Variants in TRNT1 observed in about 807,000 individuals in gnomAD.
TRNT1 encodes tRNA nucleotidyl transferase 1.
TRNT1 carries 44 observed loss-of-function variants against 45.6 expected under a neutral mutation model. The observed-to-expected ratio is 0.97, with a 90% CI of 0.76 to 1.24. The LOEUF (loss-of-function observed/expected upper bound fraction) is 1.24. TRNT1 is among the 50% of genes most tolerant of loss of function. TRNT1 has a pLI of 0.00. For missense variants in TRNT1, 633 were observed against 504.4 expected, an observed-to-expected ratio of 1.25 and a Z score of -2.44; for synonymous variants, 201 against 171.4, an observed-to-expected ratio of 1.17 and a Z score of -1.35.
chr3:3,128,755 C>G (rs1000975325), intron 1 of TRNT1, among the ~76,000 whole-genome samples: 18 of 136,516 alleles, frequency 1.3e-4, no homozygotes, highest in African/African-American at 4.5e-4. Flanking sequence ...TGTAACTCAA[C>G]CAGTCAGTCA....
chr3:3,131,259 G>A (rs1235880585), intron 2 of TRNT1: 2 of 152,042 alleles, frequency 1.3e-5, no homozygotes, highest in African/African-American at 4.8e-5. Flanking sequence ...TTGAGTTGAA[G>A]CTTTTTTCTT....
Position 3,129,364 on chromosome 3 carries a change from C to T in TRNT1, c.148+176C>T, listed in dbSNP as rs1413413943. 6 of 581,958 alleles carry T rather than the reference C, an allele frequency of 1.0e-5. No individual in the cohort carries two copies. The Middle Eastern group carries it at 1.5e-3, about 141-fold the overall frequency. 36.0% of individuals were successfully genotyped at this position (581,958 alleles called of 1,614,324 possible). A position where few individuals can be genotyped will look rare whatever the true frequency, so the allele number is the denominator to read the frequency against. On this transcript the variant is annotated intron_variant, in intron 2 of 7. Transcript: ENST00000251607. Reference sequence around the variant, plus strand: ...AGGCTGGTCTCAAAACTCCTGGGCTCACTCCTTGGCCTCCCAAAATGCTGG... The same window carrying T: ...AGGCTGGTCTCAAAACTCCTGGGCTTACTCCTTGGCCTCCCAAAATGCTGG...
chr3:3,151,928 C>T (rs1283357335), downstream of TRNT1, among the ~76,000 whole-genome samples: 1 of 152,188 alleles, frequency 6.6e-6, no homozygotes, highest in African/African-American at 2.4e-5. Flanking sequence ...TTTTACATTA[C>T]TACAGAATAT....
intron 2 of TRNT1, chr3:3,136,690 T>A: frequency 2.4e-6 from 1 of 423,406 alleles, no homozygotes; most frequent in South Asian, 1.7e-5. Flanking sequence ...GGTCTTGCTC[T>A]GTCACCCAGG....
intron 2 of TRNT1, among the ~76,000 whole-genome samples, chr3:3,136,118 T>C (rs950187980): frequency 3.3e-5 from 5 of 152,178 alleles, no homozygotes; most frequent in African/African-American, 4.8e-5. Flanking sequence ...TTACCAACTA[T>C]TGTAGGGTGT....
chr3:3,139,976 G>T (rs901610833), intron 3 of TRNT1, among the ~76,000 whole-genome samples: 7 of 152,104 alleles, frequency 4.6e-5, no homozygotes, highest in African/African-American at 1.7e-4. Context: ...TCATCTGCCT[G>T]CCTTGACCTC....
chr3:3,153,176 G>A (rs1706703193), downstream of TRNT1: 3 of 443,628 alleles, frequency 6.8e-6, no homozygotes, highest in African/African-American at 5.9e-5. Flanking sequence ...AGAATTAGGG[G>A]GAAAAGAATT....
intron 2 of TRNT1, among the ~76,000 whole-genome samples, chr3:3,135,007 A>G (rs1439699674): frequency 6.6e-6 from 1 of 152,108 alleles, no homozygotes; most frequent in Non-Finnish European, 1.5e-5. Flanking sequence ...CATGAAGTCA[A>G]TTTAGTGGTC....
intron 2 of TRNT1, among the ~76,000 whole-genome samples, chr3:3,135,513 G>A (rs1705273005): frequency 6.6e-6 from 1 of 152,160 alleles, no homozygotes; most frequent in Non-Finnish European, 1.5e-5. Context: ...GTGGCATTAG[G>A]GGAATATGAA....
rs334760 is a variant in TRNT1 at position 3,140,816 on chromosome 3, G to C, written c.481+168G>C. On this transcript the variant is annotated intron_variant, in intron 4 of 7. Coordinates refer to ENST00000251607, the MANE Select transcript of TRNT1 (RefSeq NM_182916.3). ...ATAGTCCCTCAGCCGGGCACGGTGG[G>C]TCACGCCTGTAATCCCAGCACTTTG... The C allele has an allele frequency of 1, 771,255 of 771,346 alleles. 385,582 individuals carry two copies. Among genetic ancestry groups the C allele is most frequent in the Middle Eastern group, 1 (2,444 of 2,444 alleles). The allele number at this position is 771,346 out of a possible 1,614,324, so 47.8% of individuals were successfully genotyped here.
intron 2 of TRNT1, among the ~76,000 whole-genome samples, chr3:3,133,319 C>T (rs879271067): frequency 3.3e-5 from 5 of 151,970 alleles, no homozygotes; most frequent in Admixed American, 1.3e-4. Context: ...TTTGGGAGGC[C>T]GAGATGGGAG....
In TRNT1 at chr3:3,147,500, G is replaced by A. The variant is rs779192696; in HGVS notation, c.853G>A (p.Val285Ile). 6.2e-7 allele frequency: 1 copy of A among 1,613,834 alleles called. No homozygotes were observed. The highest frequency in any genetic ancestry group is 8.5e-7 in the Non-Finnish European group (1 of 1,179,796). Residue 285 changes from valine (V) to isoleucine (I), a missense_variant, in exon 7 of 8, where the codon GTT becomes ATT. Coordinates refer to ENST00000251607, the MANE Select transcript of TRNT1 (RefSeq NM_182916.3). The stretch of plus-strand genomic sequence containing the variant: ...AGAATTTGACAAAGTCAGTAAAAAT[G>A]TTGATGGTTTTTCACCAAAGCCAGT... Reference protein sequence around the residue: ...LEEFDKVSKNVDGFSPKPVTL... With the variant: ...LEEFDKVSKNIDGFSPKPVTL...
chr3:3,133,747 G>C, intron 2 of TRNT1, among the ~76,000 whole-genome samples: 1 of 151,950 alleles, frequency 6.6e-6, no homozygotes, highest in East Asian at 2.0e-4. Context: ...TTAAAATATA[G>C]CACGATAGGG....
In TRNT1 at chr3:3,140,482, A is replaced by C. The variant is rs767386526; in HGVS notation, c.343-28A>C. On this transcript the variant is annotated intron_variant, in intron 3 of 7. Transcript: ENST00000251607. The stretch of plus-strand genomic sequence containing the variant: ...AGTATGAAAACCTAATTTAAATGAC[A>C]ACAAAAACCCCATGTATTTAATTGC... 7 of 1,602,830 alleles carry C rather than the reference A, an allele frequency of 4.4e-6. No individual in the cohort carries two copies. In the Admixed American group the frequency reaches 1.2e-4, roughly 28 times the overall value.
In TRNT1 at chr3:3,129,321, G is replaced by A. The variant is rs79903306; in HGVS notation, c.148+133G>A. On this transcript the variant is annotated intron_variant, in intron 2 of 7. Coordinates refer to ENST00000251607, the MANE Select transcript of TRNT1 (RefSeq NM_182916.3). ...TTTTTATTAAAAAACGTAAGTAGAG[G>A]GTCTCTTTGTGTTGCCCAGGCTGGT... 1,750 of 880,610 alleles carry A rather than the reference G, an allele frequency of 2.0e-3. 31 individuals carry two copies. In the African/African-American group the frequency reaches 0.027, roughly 14 times the overall value. The allele number at this position is 880,610 out of a possible 1,614,324, so 54.5% of individuals were successfully genotyped here.
chr3:3,129,467 C>T (rs1704862456), intron 2 of TRNT1: 1 of 408,488 alleles, frequency 2.4e-6, no homozygotes. Context: ...TGTACCCAGC[C>T]TGTAATCTCT....
In TRNT1 at chr3:3,129,001, A is replaced by G. The variant is rs1575035124; in HGVS notation, c.-27-13A>G. 1 of 1,550,936 alleles carries G rather than the reference A, an allele frequency of 6.4e-7. No homozygotes were observed. Among genetic ancestry groups the G allele is most frequent in the South Asian group, 1.2e-5 (1 of 81,946 alleles). On this transcript the variant is annotated splice_polypyrimidine_tract_variant and intron_variant, in intron 1 of 7. Transcript: ENST00000251607. ...TTTAATTTCATTGGTATGCCTGTGTATTTGCCTTGTAGATGTGTAGTTGGT... is the reference window on the plus strand; with the variant it reads ...TTTAATTTCATTGGTATGCCTGTGTGTTTGCCTTGTAGATGTGTAGTTGGT...
At chr3:3,130,105 C>G (rs1432921410) in intron 2 of TRNT1, 12 of 771,746 alleles carry the variant, frequency 1.6e-5, no homozygotes, top group Non-Finnish European at 2.5e-5. Context: ...GCTAAAGCAG[C>G]CACACAGTAG....
At position 3,147,623 on chromosome 3, in the gene TRNT1, A is replaced by G; in HGVS notation, c.976A>G (p.Ile326Val). 6.2e-7 allele frequency: 1 copy of G among 1,613,866 alleles called. No individual in the cohort carries two copies. Among genetic ancestry groups the G allele is most frequent in the Non-Finnish European group, 8.5e-7 (1 of 1,179,800 alleles). The change falls in exon 7 of 8, where the codon ATA becomes GTA. Residue 326 changes from isoleucine to valine, a missense_variant. Coordinates refer to ENST00000251607, the MANE Select transcript of TRNT1 (RefSeq NM_182916.3). ...AGAGGAGAAAAACCTTGGCTTATTT[A>G]TAGTTAAAAATAGGAAAGATTTAAT... ...AKEEKNLGLF[I>V]VKNRKDLIKA...
Sources: gnomAD v4.1 joint callset for allele counts (sites outside exome capture counted in the v4.1 genomes callset) on GRCh38, gnomAD v4.1.1 for gene constraint, MANE v1.5 for transcripts, NCBI Gene and HGNC (gene_info 2026-07-23, HGNC 2026-07-21) for gene names.